Variants in SEMA4D observed in about 807,000 individuals in gnomAD.
The protein encoded by SEMA4D is semaphorin-4D.
Under a neutral mutation model 74.8 loss-of-function variants are expected in SEMA4D, and 22 were observed. The ratio of observed to expected loss-of-function variants is 0.29; its 90% CI spans 0.21 to 0.42. The LOEUF (loss-of-function observed/expected upper bound fraction) is 0.42. Ranked by LOEUF, SEMA4D falls within the 10% of genes least tolerant of loss-of-function variation. The probability of loss-of-function intolerance (pLI) is 1.00; values close to 1 mark genes in which losing one functional copy is unlikely to be tolerated. For missense variants in SEMA4D, 937 were observed against 1,118.4 expected, an observed-to-expected ratio of 0.84 and a Z score of 2.31; for synonymous variants, 445 against 463.7, an observed-to-expected ratio of 0.96 and a Z score of 0.52.
rs1002758209 is a variant in SEMA4D at position 89,498,103 on chromosome 9, G to C, written c.-494C>G. The C allele has an allele frequency of 1.0e-4, 15 of 149,616 alleles. No homozygotes were observed. The highest frequency in any genetic ancestry group is 3.7e-4 in the African/African-American group (15 of 40,992). The allele number at this position is 149,616 out of a possible 1,614,324, so 9.3% of individuals were successfully genotyped here. On this transcript the variant is annotated 5_prime_UTR_variant, in exon 1 of 16. Coordinates refer to ENST00000422704, the MANE Select transcript of SEMA4D (RefSeq NM_001371194.2). The stretch of plus-strand genomic sequence containing the variant: ...CGCGAGAGCGCTGAGGCCGGCGCGG[G>C]GACGGAGTGCGCGGGGCGGGCGCGC...
intron 16 of SEMA4D, among the ~76,000 whole-genome samples, chr9:89,365,837 T>C (rs942662399): frequency 1.3e-5 from 2 of 152,198 alleles, no homozygotes; most frequent in Non-Finnish European, 2.9e-5. Flanking sequence ...GCTGGACTTT[T>C]GAAAAGAAGA....
intron 1 of SEMA4D, among the ~76,000 whole-genome samples, chr9:89,458,797 C>T (rs1403304815): frequency 1.3e-5 from 2 of 152,062 alleles, no homozygotes; most frequent in East Asian, 3.8e-4. Flanking sequence ...TATTCACATA[C>T]ACACTTATAC....
At chr9:89,449,603 C>A in intron 2 of SEMA4D, 1 of 989,890 alleles carries the variant, frequency 1.0e-6, no homozygotes, top group Non-Finnish European at 1.6e-6. Context: ...CGCCGAGGAC[C>A]TGGTCGTGAC....
chr9:89,420,246 G>A (rs1042506499), intron 2 of SEMA4D, among the ~76,000 whole-genome samples: 3 of 152,090 alleles, frequency 2.0e-5, no homozygotes, highest in Non-Finnish European at 2.9e-5. Context: ...CCAACCCCGC[G>A]TTGCCTTCAC....
chr9:89,440,433 C>T (rs1851441947), intron 2 of SEMA4D, among the ~76,000 whole-genome samples: 1 of 152,140 alleles, frequency 6.6e-6, no homozygotes, highest in African/African-American at 2.4e-5. Context: ...AAAATCCCAA[C>T]CCTTTACCCT....
rs142785174 is a variant in SEMA4D, at chr9:89,391,844, C to T, written c.623-429G>A. Among the ~76,000 whole-genome samples, 260 of 152,344 alleles carry T rather than the reference C, an allele frequency of 1.7e-3. 1 individual carries two copies. Among genetic ancestry groups the T allele is most frequent in the Non-Finnish European group, 3.0e-3 (205 of 68,044 alleles). ...ATCCTGCCCCACCCTGAGGAATGGCCGACTGTCCCTGAATCTGGGGTCTTG... is the reference window on the plus strand; with the variant it reads ...ATCCTGCCCCACCCTGAGGAATGGCTGACTGTCCCTGAATCTGGGGTCTTG... On this transcript the variant is annotated intron_variant, in intron 8 of 15. Coordinates refer to ENST00000422704, the MANE Select transcript of SEMA4D (RefSeq NM_001371194.2).
intron 1 of SEMA4D, among the ~76,000 whole-genome samples, chr9:89,481,023 C>T (rs919563404): frequency 1.3e-5 from 2 of 152,270 alleles, no homozygotes; most frequent in African/African-American, 4.8e-5. Context: ...CTAAAAGTAA[C>T]ACGTCTTGTC....
intron 2 of SEMA4D, chr9:89,418,661 C>G (rs1416106763): frequency 6.5e-6 from 1 of 152,744 alleles, no homozygotes; most frequent in African/African-American, 2.4e-5. Flanking sequence ...GCTGTCACTC[C>G]TTTGCAGTGT....
chr9:89,433,360 G>T (rs2134730567), intron 2 of SEMA4D, among the ~76,000 whole-genome samples: 1 of 152,180 alleles, frequency 6.6e-6, no homozygotes, highest in East Asian at 1.9e-4. Context: ...GGCCACTGCA[G>T]CATGGTCAGC....
Position 89,378,525 on chromosome 9 carries a change from G to T in SEMA4D, c.*179C>A. 1 of 592,208 alleles carries T rather than the reference G, an allele frequency of 1.7e-6. No homozygotes were observed. Among genetic ancestry groups the T allele is most frequent in the East Asian group, 2.8e-5 (1 of 35,764 alleles). 36.7% of individuals were successfully genotyped at this position (592,208 alleles called of 1,614,324 possible). Reference sequence around the variant, plus strand: ...TGTCATTTTTCCAAAAGGACAAAGAGAAACCAAGTCACAGGCTCAACCCAA... The same window carrying T: ...TGTCATTTTTCCAAAAGGACAAAGATAAACCAAGTCACAGGCTCAACCCAA... On this transcript the variant is annotated 3_prime_UTR_variant, in exon 16 of 16. Transcript: ENST00000422704.
chr9:89,477,151 G>A (rs1430492065), intron 1 of SEMA4D, among the ~76,000 whole-genome samples: 2 of 152,132 alleles, frequency 1.3e-5, no homozygotes, highest in Admixed American at 1.3e-4. Context: ...CTCCCAGAAT[G>A]CAGACTTCCA....
rs933372269 is a variant in SEMA4D, at chr9:89,462,556, G to A, written c.-309-6603C>T. 2.4e-4 allele frequency among the ~76,000 whole-genome samples: 37 copies of A among 152,174 alleles called. 1 individual carries two copies. The highest frequency in any genetic ancestry group is 2.4e-3 in the Admixed American group (37 of 15,276). On this transcript the variant is annotated intron_variant, in intron 1 of 15. Transcript: ENST00000422704. Reference sequence around the variant, plus strand: ...TAGGTGGGGTTGTTTTTGGCAAAATGATGGAATGTTTTCAATTTGAAGGAG... The same window carrying A: ...TAGGTGGGGTTGTTTTTGGCAAAATAATGGAATGTTTTCAATTTGAAGGAG...
intron 2 of SEMA4D, among the ~76,000 whole-genome samples, chr9:89,454,890 C>T (rs928517570): frequency 7.9e-5 from 12 of 152,244 alleles, no homozygotes; most frequent in South Asian, 6.2e-4. Context: ...GTGCCTAGCA[C>T]GGGTGAGGAA....
At chr9:89,410,703 G>A (rs1844339830) in intron 2 of SEMA4D, among the ~76,000 whole-genome samples, 1 of 152,142 alleles carries the variant, frequency 6.6e-6, no homozygotes, top group South Asian at 2.1e-4. Flanking sequence ...AGAAGGACCT[G>A]AGCTTTCGGA....
chr9:89,450,668 A>C, intron 2 of SEMA4D: 9 of 371,754 alleles, frequency 2.4e-5, no homozygotes, highest in East Asian at 7.7e-5. Flanking sequence ...AGGAAAAAAA[A>C]AAAAAAAAAA....
intron 2 of SEMA4D, among the ~76,000 whole-genome samples, chr9:89,452,483 ACT>A (rs1457980333): frequency 7.2e-6 from 1 of 139,700 alleles, no homozygotes; most frequent in Non-Finnish European, 1.6e-5. Flanking sequence ...CAGCCTTTTC[ACT>A]CTGTCGCCTA....
In SEMA4D at chr9:89,403,062, G is replaced by A. The variant is rs138847066; in HGVS notation, c.107-46C>T. On this transcript the variant is annotated intron_variant, in intron 3 of 15. Coordinates refer to ENST00000422704, the MANE Select transcript of SEMA4D (RefSeq NM_001371194.2). ...GTCAGAGTGGGAGGAAGAAAAGAGC[G>A]ATGGAAGCATTTTTAAACCTGAGCA... is the stretch of plus-strand genomic sequence containing the variant. 5.5e-4 allele frequency: 870 copies of A among 1,585,692 alleles called. 4 individuals carry two copies. The African/African-American group carries it at 0.01, about 19-fold the overall frequency.
chr9:89,397,892 A>C (rs1369193760), intron 5 of SEMA4D, among the ~76,000 whole-genome samples: 1 of 152,142 alleles, frequency 6.6e-6, no homozygotes, highest in Admixed American at 6.5e-5. Context: ...GAGGGTGATG[A>C]GGGTAACCTA....
Position 89,388,663 on chromosome 9 carries a change from G to A in SEMA4D, c.1080C>T (p.Gly360=). The A allele has an allele frequency of 6.2e-7, 1 of 1,603,030 alleles. No homozygotes were observed. Among genetic ancestry groups the A allele is most frequent in the African/African-American group, 1.3e-5 (1 of 74,682 alleles). Residue 360 remains glycine, a synonymous_variant, in exon 11 of 16, where the codon GGC becomes GGT. Coordinates refer to ENST00000422704, the MANE Select transcript of SEMA4D (RefSeq NM_001371194.2). ...QSHTKWVRYN[G]PVPKPRPGAC... ...CTCCAGGCCGCGGCTTGGGTACCGG[G>A]CCATTATAGCGCACCCACTTGGTGT...
Sources: gnomAD v4.1 joint callset for allele counts (sites outside exome capture counted in the v4.1 genomes callset) on GRCh38, gnomAD v4.1.1 for gene constraint, MANE v1.5 for transcripts, NCBI Gene and HGNC (gene_info 2026-07-23, HGNC 2026-07-21) for gene names.